The following SCP2 variants were observed in gnomAD, a reference collection of about 807,000 sequenced individuals.
SCP2 encodes sterol carrier protein 2, also known as SCP-2/3-oxoacyl-CoA thiolase.
SCP2 carries 48 observed loss-of-function variants against 71.4 expected under a neutral mutation model. The observed-to-expected ratio is 0.67, with a 90% CI of 0.53 to 0.86. SCP2 has a LOEUF of 0.86. SCP2 is among the 40% of genes least tolerant of loss of function. The probability of loss-of-function intolerance (pLI) is 0.00; values close to 1 mark genes in which losing one functional copy is unlikely to be tolerated. For synonymous variants in SCP2, 220 were observed against 218.1 expected (o/e 1.01, Z -0.08); for missense variants, 560 against 655.6 (o/e 0.85, Z 1.59).
intron 12 of SCP2, among the ~76,000 whole-genome samples, chr1:53,019,115 T>C (rs1470862963): frequency 6.6e-6 from 1 of 152,226 alleles, no homozygotes; most frequent in Non-Finnish European, 1.5e-5. Context: ...GCATCATATC[T>C]GGAGGTGCAT....
chr1:52,994,156 T>G, intron 11 of SCP2: 1 of 1,045,474 alleles, frequency 9.6e-7, no homozygotes, highest in Non-Finnish European at 1.2e-6. Context: ...AGATCATACT[T>G]CAGTGTTGAT....
intron 1 of SCP2, among the ~76,000 whole-genome samples, chr1:52,939,634 T>G (rs1005526590): frequency 6.6e-5 from 10 of 152,140 alleles, no homozygotes; most frequent in African/African-American, 2.4e-4. Flanking sequence ...TGCCAAGGAG[T>G]GCTATTGCTA....
chr1:53,042,330 A>T (rs372347577), intron 14 of SCP2, among the ~76,000 whole-genome samples: 24 of 150,242 alleles, frequency 1.6e-4, no homozygotes, highest in African/African-American at 6.0e-4. Context: ...CCATACTGAT[A>T]TTAAGGTTGT....
intron 8 of SCP2, 32 bp from the exon 9 acceptor site, chr1:52,978,185 G>A: frequency 6.2e-7 from 1 of 1,609,090 alleles, no homozygotes; most frequent in Non-Finnish European, 8.5e-7. Context: ...AGGTGCTACT[G>A]GGTGTGGAGA....
At chr1:52,930,626 C>CA (rs150442686) in intron 1 of SCP2, among the ~76,000 whole-genome samples, 14,411 of 150,272 alleles carry the variant, frequency 0.096, 1,326 homozygotes, top group African/African-American at 0.23. Context: ...GACTCTGTCT[C>CA]AAAAAAAAAG....
chr1:52,987,413 T>C (rs1000308717), intron 10 of SCP2, among the ~76,000 whole-genome samples: 2 of 152,218 alleles, frequency 1.3e-5, no homozygotes, highest in African/African-American at 4.8e-5. Context: ...CGTAAATAGA[T>C]GTGGAAGACA....
intron 12 of SCP2, among the ~76,000 whole-genome samples, chr1:53,025,848 T>A (rs1413296313): frequency 6.6e-6 from 1 of 152,238 alleles, no homozygotes; most frequent in Non-Finnish European, 1.5e-5. Flanking sequence ...ATCATTTCTA[T>A]GGATTTCCAA....
intron 7 of SCP2, 72 bp downstream of exon 7, chr1:52,974,904 GA>G: frequency 1.3e-6 from 1 of 797,674 alleles, no homozygotes; most frequent in Non-Finnish European, 2.3e-6. Flanking sequence ...CTTTATACTT[GA>G]AAAGCAAATG....
chr1:52,953,529 A>G (rs968816044), intron 4 of SCP2, among the ~76,000 whole-genome samples: 1 of 152,034 alleles, frequency 6.6e-6, no homozygotes, highest in African/African-American at 2.4e-5. Context: ...TATATTTTGT[A>G]GAGATGGGGT....
chr1:53,043,797 T>A (rs1663593822), intron 14 of SCP2, among the ~76,000 whole-genome samples: 1 of 152,134 alleles, frequency 6.6e-6, no homozygotes, highest in South Asian at 2.1e-4. Context: ...TCTCAGTTTG[T>A]TTTTTACCTC....
At chr1:52,997,486 T>C (rs1338383810) in intron 11 of SCP2, among the ~76,000 whole-genome samples, 2 of 152,226 alleles carry the variant, frequency 1.3e-5, no homozygotes, top group African/African-American at 4.8e-5. Context: ...GGAATATTTT[T>C]TGGCCATGAA....
Position 52,980,454 on chromosome 1 carries a change from C to A in SCP2, c.884C>A (p.Thr295Lys), listed in dbSNP as rs370185824. The A allele has an allele frequency of 7.1e-5, 114 of 1,613,928 alleles. No homozygotes were observed. The highest frequency in any genetic ancestry group is 9.3e-5 in the Non-Finnish European group (110 of 1,179,918). ...AAATGCTATGAGAAATCTGGCCTGA[C>A]ACCAAATGATATTGACGTAATAGAA... ...ARKCYEKSGLTPNDIDVIELH... is the reference protein window; with the variant it reads ...ARKCYEKSGLKPNDIDVIELH... Residue 295 changes from threonine (T) to lysine (K), a missense_variant, in exon 10 of 16, where the codon ACA becomes AAA. By Grantham distance (78) the Thr-to-Lys change is moderately conservative. Around this residue, in one of 3 missense-constraint regions of SCP2, gnomAD observed 513 missense variants for 573.1 expected, o/e 0.90. Transcript: ENST00000371514.
intron 15 of SCP2, chr1:53,048,224 G>C (rs1663961364): frequency 2.6e-6 from 1 of 392,156 alleles, no homozygotes; most frequent in African/African-American, 2.1e-5. Flanking sequence ...GTGGTCAGGG[G>C]AGGATGAAGG....
intron 13 of SCP2, among the ~76,000 whole-genome samples, chr1:53,029,430 T>C (rs978614645): frequency 7.9e-5 from 12 of 152,148 alleles, no homozygotes; most frequent in African/African-American, 2.9e-4. Flanking sequence ...CCTGGATGTA[T>C]TTCATTATGG....
intron 1 of SCP2, among the ~76,000 whole-genome samples, chr1:52,927,765 G>A (rs900316088): frequency 1.3e-4 from 20 of 152,124 alleles, no homozygotes; most frequent in Non-Finnish European, 2.9e-5. Context: ...GGGCTGGCTT[G>A]CCCCGGAGGG....
In SCP2 at chr1:52,996,080, C is replaced by T. The variant is rs114837569; in HGVS notation, c.1081+7944C>T. The T allele has an allele frequency of 2.5e-3, 2,194 of 875,504 alleles. 41 individuals carry two copies. In the African/African-American group the frequency reaches 0.035, roughly 14 times the overall value. 54.2% of individuals were successfully genotyped at this position (875,504 alleles called of 1,614,324 possible). ...CAGTTCCCTTAGCCATCTTACTCAC[C>T]TGCCCCTTTTCTCTACCTCAGAATT... On this transcript the variant is annotated intron_variant, in intron 11 of 15. Coordinates refer to ENST00000371514, the MANE Select transcript of SCP2 (RefSeq NM_002979.5).
At chr1:52,951,953 A>G (rs541753716) in intron 4 of SCP2, among the ~76,000 whole-genome samples, 41 of 152,162 alleles carry the variant, frequency 2.7e-4, no homozygotes, top group African/African-American at 9.9e-4. Context: ...TCCTGACCTC[A>G]AGTGATGTGC....
intron 1 of SCP2, 50 bp from the exon 2 acceptor site, chr1:52,941,746 A>G: frequency 7.4e-7 from 1 of 1,350,008 alleles, no homozygotes; most frequent in South Asian, 1.2e-5. Flanking sequence ...AAAAAAAAAA[A>G]AAATGTAACT....
At chr1:53,022,113 G>A (rs1661791638) in intron 12 of SCP2, among the ~76,000 whole-genome samples, 1 of 152,354 alleles carries the variant, frequency 6.6e-6, no homozygotes, top group African/African-American at 2.4e-5. Context: ...TCAAGAGAAA[G>A]TGTGTACCCA....
Sources: gnomAD v4.1 joint callset for allele counts (sites outside exome capture counted in the v4.1 genomes callset) on GRCh38, gnomAD v4.1.1 for gene constraint, gnomAD v4.1.1 regional missense constraint, MANE v1.5 for transcripts, NCBI Gene and HGNC (gene_info 2026-07-23, HGNC 2026-07-21) for gene names.